Variants in GGTA1 observed in about 807,000 individuals in gnomAD.
GGTA1 encodes the protein glycoprotein alpha-galactosyltransferase 1 (inactive).
GGTA1 carries 5 observed loss-of-function variants against 2.6 expected under a neutral mutation model. That is an observed-to-expected ratio of 1.92 (90% CI 1.00 to 4.04). The LOEUF (loss-of-function observed/expected upper bound fraction) is 4.04, where lower values mean the gene tolerates loss of function less well. GGTA1 is among the 30% of genes most tolerant of loss of function. GGTA1 has a pLI of 0.00. For synonymous variants in GGTA1, 17 were observed against 5.0 expected, an observed-to-expected ratio of 3.38 and a Z score of -3.19; for missense variants, 50 against 16.7, an observed-to-expected ratio of 2.99 and a Z score of -3.47.
downstream of GGTA1, among the ~76,000 whole-genome samples, chr9:121,453,355 C>A (rs1463259625): frequency 1.3e-5 from 2 of 152,190 alleles, no homozygotes; most frequent in East Asian, 3.9e-4. Context: ...TGGGACTTGG[C>A]AAGGCCAAAG....
At chr9:121,463,483 A>G (rs998986110) in intron 2 of GGTA1, among the ~76,000 whole-genome samples, 155 bp from the exon 3 acceptor site, 18 of 152,186 alleles carry the variant, frequency 1.2e-4, no homozygotes, top group African/African-American at 4.3e-4. Flanking sequence ...AACCAATGAC[A>G]TCAGGAGGAT....
At chr9:121,480,590 G>C (rs1040685230) in intron 1 of GGTA1, among the ~76,000 whole-genome samples, 4 of 152,100 alleles carry the variant, frequency 2.6e-5, no homozygotes, top group Admixed American at 2.6e-4. Context: ...AAGGAATCAA[G>C]GACTGGCCCC....
At chr9:121,459,269 C>T (rs935184011) in intron 5 of GGTA1, among the ~76,000 whole-genome samples, 2 of 152,060 alleles carry the variant, frequency 1.3e-5, no homozygotes, top group Admixed American at 6.6e-5. Flanking sequence ...GCAACCTGGA[C>T]AACATAGTAA....
chr9:121,499,093 T>G (rs1028901267), intron 1 of GGTA1, among the ~76,000 whole-genome samples: 8 of 152,032 alleles, frequency 5.3e-5, no homozygotes, highest in African/African-American at 1.7e-4. Flanking sequence ...TTCCCCATGC[T>G]GGGCGTCTGA....
intron 1 of GGTA1, among the ~76,000 whole-genome samples, chr9:121,478,795 A>T (rs1828572179): frequency 6.6e-6 from 1 of 152,176 alleles, no homozygotes; most frequent in Admixed American, 6.5e-5. Context: ...CCCTTTGGGA[A>T]ATCTAAAGGC....
intron 1 of GGTA1, among the ~76,000 whole-genome samples, chr9:121,498,876 TTTC>T (rs1263793297): frequency 2.7e-5 from 4 of 150,054 alleles, no homozygotes; most frequent in African/African-American, 9.8e-5. Flanking sequence ...CTGACATTTT[TTTC>T]TTCTTCTTTT....
chr9:121,465,829 C>T (rs1048497372), intron 2 of GGTA1, among the ~76,000 whole-genome samples: 4 of 152,170 alleles, frequency 2.6e-5, no homozygotes, highest in Admixed American at 2.0e-4. Flanking sequence ...GTTTATTAAG[C>T]CCTAGGCATT....
At chr9:121,489,558 GCTACTGTGCAC>G (rs1290597398) in intron 1 of GGTA1, among the ~76,000 whole-genome samples, 1 of 152,162 alleles carries the variant, frequency 6.6e-6, no homozygotes, top group Non-Finnish European at 1.5e-5. Context: ...ACATCAATGT[GCTACTGTGCAC>G]CTACTCCCAG....
rs10681377 is a variant in GGTA1, at chr9:121,464,324, G to GTTTTT, written c.81-1001_81-997dup. 5.2e-4 allele frequency among the ~76,000 whole-genome samples: 58 copies of GTTTTT among 111,856 alleles called. 2 individuals are homozygous for GTTTTT. Among genetic ancestry groups the GTTTTT allele is most frequent in the Non-Finnish European group, 5.8e-4 (34 of 58,906 alleles). The allele number at this position is 111,856 out of a possible 152,430, so 73.4% of individuals were successfully genotyped here. A position where few individuals can be genotyped will look rare whatever the true frequency, so the allele number is the denominator to read the frequency against. On this transcript the variant is annotated intron_variant, in intron 2 of 5. Coordinates refer to ENST00000481799, the MANE Select transcript of GGTA1 (RefSeq NM_001382585.1). ...CAAACATAATTTTTGCCTCCTTGAG[G>GTTTTT]TTTTTTTTTTTTTTTTTTTTGAGAT...
At chr9:121,458,067 TCCCAG>T (rs952653856) in intron 5 of GGTA1, among the ~76,000 whole-genome samples, 6 of 151,310 alleles carry the variant, frequency 4.0e-5, no homozygotes, top group Non-Finnish European at 8.8e-5. Context: ...CCACAACCAC[TCCCAG>T]CTGATTTTTT....
At chr9:121,465,988 T>C (rs1403896493) in intron 2 of GGTA1, among the ~76,000 whole-genome samples, 1 of 152,116 alleles carries the variant, frequency 6.6e-6, no homozygotes, top group Non-Finnish European at 1.5e-5. Context: ...GGACCACAGC[T>C]CACTGCAGCC....
At chr9:121,481,068 A>C (rs972064954) in intron 1 of GGTA1, among the ~76,000 whole-genome samples, 2 of 148,462 alleles carry the variant, frequency 1.3e-5, no homozygotes, top group Non-Finnish European at 3.0e-5. Context: ...CAGGAGAATC[A>C]CTTGAACCCA....
intron 2 of GGTA1, 76 bp from the exon 3 acceptor site, chr9:121,463,404 C>T: frequency 2.3e-6 from 1 of 438,786 alleles, no homozygotes; most frequent in Non-Finnish European, 4.6e-6. Context: ...ACCATTATCA[C>T]TGAGCCCGGG....
rs569824727 is a variant in GGTA1, at chr9:121,463,124, T to C, written c.116+169A>G. 204 of 403,730 alleles carry C rather than the reference T, an allele frequency of 5.1e-4. 1 individual carries two copies. Among genetic ancestry groups the C allele is most frequent in the African/African-American group, 4.0e-3 (191 of 47,312 alleles). 25.0% of individuals were successfully genotyped at this position (403,730 alleles called of 1,614,324 possible). The stretch of plus-strand genomic sequence containing the variant: ...CAAGCCATGGTTCTATACAGATAAG[T>C]CTACGGAAGCTGCAGAAATAACATT... On this transcript the variant is annotated intron_variant, in intron 3 of 5. Transcript: ENST00000481799.
intron 1 of GGTA1, among the ~76,000 whole-genome samples, chr9:121,488,095 G>T (rs1828798067): frequency 7.0e-6 from 1 of 142,568 alleles, no homozygotes; most frequent in African/African-American, 2.6e-5. Context: ...GGCAGGTTGT[G>T]GATGTGTGTG....
chr9:121,458,639 A>AATAC (rs998013143), intron 5 of GGTA1, among the ~76,000 whole-genome samples: 1 of 151,376 alleles, frequency 6.6e-6, no homozygotes, highest in African/African-American at 2.4e-5. Flanking sequence ...TAAATAAATA[A>AATAC]ATAAATAAAT....
intron 1 of GGTA1, among the ~76,000 whole-genome samples, chr9:121,468,265 C>A (rs4503171): frequency 0.31 from 47,444 of 151,940 alleles, 7,672 homozygotes; most frequent in Middle Eastern, 0.4. Context: ...TGAGAACATG[C>A]GGTGTTTGGT....
At chr9:121,482,946 A>C (rs1199011261) in intron 1 of GGTA1, among the ~76,000 whole-genome samples, 1 of 152,126 alleles carries the variant, frequency 6.6e-6, no homozygotes, top group Non-Finnish European at 1.5e-5. Context: ...GCGAGATTCT[A>C]TCTCAAAAAA....
At chr9:121,457,397 G>A (rs1174190306) in intron 5 of GGTA1, among the ~76,000 whole-genome samples, 1 of 152,150 alleles carries the variant, frequency 6.6e-6, no homozygotes, top group Non-Finnish European at 1.5e-5. Flanking sequence ...ATGGATGAGA[G>A]CACATTGGAA....
Sources: gnomAD v4.1 joint callset for allele counts (sites outside exome capture counted in the v4.1 genomes callset) on GRCh38, gnomAD v4.1.1 for gene constraint, MANE v1.5 for transcripts, NCBI Gene and HGNC (gene_info 2026-07-23, HGNC 2026-07-21) for gene names.